EIF2D: variants seen among roughly 807,000 people sequenced by gnomAD.
EIF2D encodes the protein hepatocellular carcinoma-associated antigen 56.
Under a neutral mutation model 77.4 loss-of-function variants are expected in EIF2D, and 56 were observed. That is an observed-to-expected ratio of 0.72 (90% confidence interval 0.58 to 0.90). EIF2D has a LOEUF of 0.90. Ranked by LOEUF, EIF2D falls within the 40% of genes least tolerant of loss-of-function variation. The pLI is 0.00. For synonymous variants in EIF2D, 230 were observed against 271.0 expected (o/e 0.85, Z 1.49); for missense variants, 574 against 706.5 (o/e 0.81, Z 2.13).
At chr1:206,581,449 A>C (rs1409000408) in intron 2 of EIF2D, among the ~76,000 whole-genome samples, 1 of 152,040 alleles carries the variant, frequency 6.6e-6, no homozygotes, top group Non-Finnish European at 1.5e-5. Context: ...AAATACAAAA[A>C]TTAGCTGGGT....
chr1:206,580,513 C>A (rs1553406073), intron 4 of EIF2D, among the ~76,000 whole-genome samples: 1 of 152,144 alleles, frequency 6.6e-6, no homozygotes, highest in South Asian at 2.1e-4. Context: ...GGGCCAGGGT[C>A]AGGCACATCT....
chr1:206,595,613 A>G, intron 13 of EIF2D, 105 bp downstream of exon 13: 1 of 1,398,648 alleles, frequency 7.1e-7, no homozygotes, highest in Non-Finnish European at 9.6e-7. Flanking sequence ...AAAATCTTTG[A>G]TGAGTTTGAG....
intron 2 of EIF2D, chr1:206,586,471 C>A: frequency 4.6e-6 from 1 of 218,668 alleles, no homozygotes; most frequent in Non-Finnish European, 9.2e-6. Context: ...GTCCACGTTC[C>A]ACTCCTCCAC....
downstream of EIF2D, among the ~76,000 whole-genome samples, chr1:206,569,415 CAG>C (rs1304260820): frequency 6.6e-6 from 1 of 152,170 alleles, no homozygotes; most frequent in Non-Finnish European, 1.5e-5. Flanking sequence ...TAGCAACCCT[CAG>C]AGAGAAGACA....
At chr1:206,589,362 T>C (rs1286979739), downstream of EIF2D, 3 of 152,696 alleles carry the variant, frequency 2.0e-5, no homozygotes, top group Non-Finnish European at 4.4e-5. Flanking sequence ...CATGATCACA[T>C]GCTTCCTGGT....
intron 13 of EIF2D, 101 bp downstream of exon 13, chr1:206,595,617 G>A: frequency 2.7e-6 from 4 of 1,457,698 alleles, no homozygotes; most frequent in South Asian, 1.3e-5. Context: ...TCTTTGATGA[G>A]TTTGAGGCCA....
chr1:206,600,506 A>T (rs918490502), intron 7 of EIF2D, 198 bp from the exon 8 acceptor site: 1 of 534,018 alleles, frequency 1.9e-6, no homozygotes, highest in Non-Finnish European at 3.3e-6. Flanking sequence ...GCTGTTCAAG[A>T]GAACTTTCCA....
rs782595381 is a variant in EIF2D, at chr1:206,603,009, T to C, written c.726A>G (p.Pro242=). ...TCAGGCCCCTGGTGCTGGTGTCTTC[T>C]GGGGCTTCTGAGAGAGACTTGTCTT... ...AREDKSLSEA[P]EDTSTRGLNQ... The change falls in exon 6 of 15, where the codon CCA becomes CCG. Residue 242 remains proline, a synonymous_variant. Coordinates refer to ENST00000271764, the MANE Select transcript of EIF2D (RefSeq NM_006893.3). 22 of 1,614,064 alleles carry C rather than the reference T, an allele frequency of 1.4e-5. No homozygotes were observed. Among genetic ancestry groups the C allele is most frequent in the Non-Finnish European group, 1.6e-5 (19 of 1,180,038 alleles).
At position 206,605,411 on chromosome 1, in the gene EIF2D, C is replaced by G. The variant is rs782093348; in HGVS notation, c.519G>C (p.Gln173His). The G allele has an allele frequency of 2.5e-6, 4 of 1,613,974 alleles. No homozygotes were observed. In the South Asian group the frequency reaches 4.4e-5, roughly 18 times the overall value. Residue 173 changes from glutamine to histidine, a missense_variant, in exon 5 of 15, where the codon CAG becomes CAC. By Grantham distance (24) the Gln-to-His change is conservative. Transcript: ENST00000271764. ...GRGFSVLHTY[Q>H]DHLWRSGNKS... ...AACTCTGTACCCACCACAAGTGGTC[C>G]TGGTAAGTGTGGAGCACAGAGAAGC...
At chr1:206,603,374 G>A (rs1670027138) in intron 5 of EIF2D, 170 bp from the exon 6 acceptor site, 2 of 831,260 alleles carry the variant, frequency 2.4e-6, no homozygotes, top group Non-Finnish European at 1.8e-6. Flanking sequence ...TCAATTCTGG[G>A]CCCCTAAAAG....
chr1:206,572,867 A>G (rs533027440), intron 4 of EIF2D, among the ~76,000 whole-genome samples: 1 of 152,260 alleles, frequency 6.6e-6, no homozygotes, highest in Admixed American at 6.5e-5. Flanking sequence ...AGTTCTTAGG[A>G]CCCATGAAAG....
downstream of EIF2D, among the ~76,000 whole-genome samples, chr1:206,570,311 C>T (rs1470084991): frequency 1.3e-5 from 2 of 152,000 alleles, no homozygotes; most frequent in African/African-American, 4.8e-5. Flanking sequence ...TCAGGATGGT[C>T]TCAGACTCTG....
At chr1:206,602,707 A>T (rs782121379) in intron 6 of EIF2D, 12 of 659,562 alleles carry the variant, frequency 1.8e-5, no homozygotes, top group Non-Finnish European at 2.8e-5. Flanking sequence ...GAAACCTTGG[A>T]GGGCTTTGTA....
chr1:206,594,800 CAG>C (rs1357409360), intron 13 of EIF2D: 1 of 152,042 alleles, frequency 6.6e-6, no homozygotes, highest in Admixed American at 6.5e-5. Flanking sequence ...TCATTATTAA[CAG>C]AAAATTAGTG....
intron 14 of EIF2D, 103 bp downstream of exon 14, chr1:206,593,516 T>TGTGC (rs1553409387): frequency 1.0e-4 from 74 of 707,290 alleles, no homozygotes; most frequent in Non-Finnish European, 1.5e-4. Context: ...AGAGTGTGTG[T>TGTGC]GTGTGTGTGT....
rs187873146 is a variant in EIF2D, at chr1:206,607,566, C to G, written c.422+670G>C. Reference sequence around the variant, plus strand: ...TTGAAGCCAACAATCTGAGACCAGCCTGAGCAACAGAGTGAGATCCTGTCT... The same window carrying G: ...TTGAAGCCAACAATCTGAGACCAGCGTGAGCAACAGAGTGAGATCCTGTCT... On this transcript the variant is annotated intron_variant, in intron 4 of 14. Coordinates refer to ENST00000271764, the MANE Select transcript of EIF2D (RefSeq NM_006893.3). 3.5e-4 allele frequency among the ~76,000 whole-genome samples: 53 copies of G among 152,184 alleles called. No homozygotes were observed. In the East Asian group the frequency reaches 9.8e-3, roughly 28 times the overall value.
At chr1:206,612,139 C>G in intron 1 of EIF2D, 148 bp downstream of exon 1, 1 of 997,654 alleles carries the variant, frequency 1.0e-6, no homozygotes. Context: ...TGTGTCTAAC[C>G]CACCCTTGCC....
intron 2 of EIF2D, chr1:206,583,484 C>T (rs1668977849): frequency 1.3e-6 from 1 of 769,640 alleles, no homozygotes; most frequent in African/African-American, 1.7e-5. Flanking sequence ...TGGCAGGTCC[C>T]CTCCCTTTCC....
intron 13 of EIF2D, 74 bp from the exon 14 acceptor site, chr1:206,593,867 T>G (rs1669507754): frequency 7.2e-7 from 1 of 1,395,580 alleles, no homozygotes; most frequent in African/African-American, 1.4e-5. Context: ...TTCCAGAGCC[T>G]CAGCAGCCTT....
Sources: gnomAD v4.1 joint callset for allele counts (sites outside exome capture counted in the v4.1 genomes callset) on GRCh38, gnomAD v4.1.1 for gene constraint, MANE v1.5 for transcripts, NCBI Gene and HGNC (gene_info 2026-07-23, HGNC 2026-07-21) for gene names.